The following BCR variants were observed in gnomAD, a reference collection of about 807,000 sequenced individuals.
The protein encoded by BCR is breakpoint cluster region protein.
Under a neutral mutation model 138.6 loss-of-function variants are expected in BCR, and 58 were observed. The ratio of observed to expected loss-of-function variants is 0.42; its 90% CI spans 0.34 to 0.52. BCR has a LOEUF of 0.52. Among genes scored for constraint, BCR ranks in the 20% least tolerant of loss-of-function variants. The pLI, the probability that BCR is intolerant of heterozygous loss-of-function variation, is 0.06. For synonymous variants in BCR, 786 were observed against 730.1 expected (o/e 1.08, Z -1.23); for missense variants, 1,599 against 1,727.2 (o/e 0.93, Z 1.32).
chr22:23,181,776 G>A lies in BCR; in HGVS notation c.816G>A (p.Pro272=). 2 of 1,606,966 alleles carry A rather than the reference G, an allele frequency of 1.2e-6. No homozygotes were observed. The highest frequency in any genetic ancestry group is 8.5e-7 in the Non-Finnish European group (1 of 1,179,966). ...ATGGCGGTAGCAGGCCCCCTTGGCCGCCCCTGGAGTACCAGCCCTACCAGA... is the reference window on the plus strand; with the variant it reads ...ATGGCGGTAGCAGGCCCCCTTGGCCACCCCTGGAGTACCAGCCCTACCAGA... ...DANGGSRPPW[P]PLEYQPYQSI... The change falls in exon 1 of 23, where the codon CCG becomes CCA. Residue 272 remains proline, a synonymous_variant. Coordinates refer to ENST00000305877, the MANE Select transcript of BCR (RefSeq NM_004327.4).
chr22:23,222,695 C>T (rs536065179), intron 1 of BCR, among the ~76,000 whole-genome samples: 1 of 152,316 alleles, frequency 6.6e-6, no homozygotes, highest in East Asian at 1.9e-4. Flanking sequence ...GCTATGTTGT[C>T]TGGGCCTGTG....
At chr22:23,280,590 C>T (rs924645643) in intron 8 of BCR, among the ~76,000 whole-genome samples, 3 of 152,202 alleles carry the variant, frequency 2.0e-5, no homozygotes, top group Non-Finnish European at 4.4e-5. Context: ...CTTTCTCACC[C>T]CATCATGTTT....
At position 23,286,513 on chromosome 22, in the gene BCR, G is replaced by A. The variant is rs79470850; in HGVS notation, c.2407-646G>A. Among the ~76,000 whole-genome samples, 862 of 152,352 alleles carry A rather than the reference G, an allele frequency of 5.7e-3. 6 individuals are homozygous for A. Among genetic ancestry groups the A allele is most frequent in the African/African-American group, 0.02 (815 of 41,590 alleles). On this transcript the variant is annotated intron_variant, in intron 10 of 22. Transcript: ENST00000305877. Reference sequence around the variant, plus strand: ...CCAGGGTAGGGTGTCCCCACACAGAGTGGGAGCCAGTGCTCAGGGCAGCTG... The same window carrying A: ...CCAGGGTAGGGTGTCCCCACACAGAATGGGAGCCAGTGCTCAGGGCAGCTG...
In BCR at chr22:23,200,976, T is replaced by C. The variant is rs9620224; in HGVS notation, c.1279+18737T>C. On this transcript the variant is annotated intron_variant, in intron 1 of 22. Coordinates refer to ENST00000305877, the MANE Select transcript of BCR (RefSeq NM_004327.4). Reference sequence around the variant, plus strand: ...GCTGGTACATTAGGAGCCCAAGTTTTGCCTGGTGCTGGTGGACGGGTCTAG... The same window carrying C: ...GCTGGTACATTAGGAGCCCAAGTTTCGCCTGGTGCTGGTGGACGGGTCTAG... 2.1e-3 allele frequency among the ~76,000 whole-genome samples: 320 copies of C among 152,350 alleles called. 2 individuals carry two copies. Among genetic ancestry groups the C allele is most frequent in the African/African-American group, 7.3e-3 (305 of 41,576 alleles).
chr22:23,304,814 G>A (rs537983791), intron 16 of BCR, among the ~76,000 whole-genome samples: 7 of 152,296 alleles, frequency 4.6e-5, no homozygotes, highest in African/African-American at 1.7e-4. Flanking sequence ...GAGAAGCAAA[G>A]AGTTAAAAGT....
In BCR at chr22:23,292,586, A is replaced by C. The variant is rs764290666; in HGVS notation, c.2828A>C (p.Asn943Thr). ...GTGGATTCCTTTGGGTATTTTGTGAATAAAGCAAAGACGCGCGTCTACAGG... is the reference window on the plus strand; with the variant it reads ...GTGGATTCCTTTGGGTATTTTGTGACTAAAGCAAAGACGCGCGTCTACAGG... ...LEVDSFGYFV[N>T]KAKTRVYRDT... is the part of the protein sequence containing the mutation. The change falls in exon 15 of 23, where the codon AAT becomes ACT. Residue 943 changes from asparagine to threonine, a missense_variant. Physicochemically the swap from Asn to Thr is moderately conservative, Grantham distance 65. Coordinates refer to ENST00000305877, the MANE Select transcript of BCR (RefSeq NM_004327.4). The C allele has an allele frequency of 1.2e-6, 2 of 1,613,546 alleles. No homozygotes were observed. Among genetic ancestry groups the C allele is most frequent in the East Asian group, 2.2e-5 (1 of 44,876 alleles).
chr22:23,261,102 C>G, intron 3 of BCR, 48 bp downstream of exon 3: 1 of 1,566,068 alleles, frequency 6.4e-7, no homozygotes, highest in East Asian at 2.3e-5. Flanking sequence ...GGCAGGGTGA[C>G]AGGGTTGGGG....
chr22:23,297,072 G>A (rs2073852567), intron 16 of BCR, among the ~76,000 whole-genome samples: 1 of 152,100 alleles, frequency 6.6e-6, no homozygotes, highest in Non-Finnish European at 1.5e-5. Flanking sequence ...GTATCTGGCT[G>A]TGTCTCCCAG....
At chr22:23,285,634 G>T (rs2073702883) in intron 10 of BCR, among the ~76,000 whole-genome samples, 1 of 152,106 alleles carries the variant, frequency 6.6e-6, no homozygotes, top group Admixed American at 6.5e-5. Flanking sequence ...CTGATTTTGT[G>T]TTTTCACTGG....
chr22:23,247,502 G>T (rs2073169922), intron 1 of BCR, among the ~76,000 whole-genome samples: 1 of 152,106 alleles, frequency 6.6e-6, no homozygotes, highest in Non-Finnish European at 1.5e-5. Context: ...GGGTAGGGAG[G>T]GCCCAGAGCA....
intron 14 of BCR, chr22:23,290,871 C>T (rs1363703449): frequency 4.8e-6 from 1 of 209,358 alleles, no homozygotes; most frequent in Non-Finnish European, 9.9e-6. Context: ...GCTACTGGAG[C>T]TGTCAGAACA....
At chr22:23,198,644 T>C (rs2072510613) in intron 1 of BCR, among the ~76,000 whole-genome samples, 1 of 152,084 alleles carries the variant, frequency 6.6e-6, no homozygotes, top group South Asian at 2.1e-4. Flanking sequence ...CTGGGCACCA[T>C]GCTGGTGGTG....
intron 1 of BCR, among the ~76,000 whole-genome samples, chr22:23,185,442 G>C (rs1484956562): frequency 2.6e-5 from 4 of 152,118 alleles, no homozygotes; most frequent in African/African-American, 9.7e-5. Flanking sequence ...AAGGCGGGTG[G>C]ATCACAAGGG....
chr22:23,313,641 C>T (rs750272517), intron 20 of BCR, among the ~76,000 whole-genome samples: 3 of 152,202 alleles, frequency 2.0e-5, no homozygotes, highest in Non-Finnish European at 4.4e-5. Flanking sequence ...CTGAGCCTCC[C>T]CTGCCTTGGG....
In BCR at chr22:23,289,416, C is replaced by T. The variant is rs574092336; in HGVS notation, c.2603-101C>T. The T allele has an allele frequency of 9.2e-6, 9 of 975,646 alleles. 1 individual carries two copies. The highest frequency in any genetic ancestry group is 3.0e-5 in the South Asian group (2 of 66,012). The allele number at this position is 975,646 out of a possible 1,614,324, so 60.4% of individuals were successfully genotyped here. On this transcript the variant is annotated intron_variant, in intron 12 of 22. Coordinates refer to ENST00000305877, the MANE Select transcript of BCR (RefSeq NM_004327.4). ...CCCAAGCCCTGGCACCAGTTCTTGC[C>T]GTGCCCCTTCCCCAGGGTGTGTGGT...
At chr22:23,275,525 T>C (rs947993247) in intron 8 of BCR, among the ~76,000 whole-genome samples, 12 of 152,258 alleles carry the variant, frequency 7.9e-5, no homozygotes, top group African/African-American at 2.9e-4. Flanking sequence ...CGTTGAGCAG[T>C]GCAAGTGTTC....
intron 21 of BCR, 101 bp from the exon 22 acceptor site, chr22:23,314,451 C>G (rs1323473866): frequency 5.2e-6 from 7 of 1,352,490 alleles, no homozygotes; most frequent in Non-Finnish European, 7.3e-6. Flanking sequence ...CAGCCAGGGT[C>G]GAGGTCACTC....
chr22:23,302,060 T>A (rs1432096340), intron 16 of BCR, among the ~76,000 whole-genome samples: 1 of 152,046 alleles, frequency 6.6e-6, no homozygotes, highest in Non-Finnish European at 1.5e-5. Context: ...AGGTCACCCA[T>A]CCCAATTTCT....
chr22:23,266,520 G>T (rs2073443153), intron 4 of BCR, among the ~76,000 whole-genome samples: 1 of 152,076 alleles, frequency 6.6e-6, no homozygotes, highest in Non-Finnish European at 1.5e-5. Flanking sequence ...CTCCCGAGTG[G>T]CTGGGATTAT....
Sources: gnomAD v4.1 joint callset for allele counts (sites outside exome capture counted in the v4.1 genomes callset) on GRCh38, gnomAD v4.1.1 for gene constraint, MANE v1.5 for transcripts, NCBI Gene and HGNC (gene_info 2026-07-23, HGNC 2026-07-21) for gene names.